Variants in LEKR1 observed in about 807,000 individuals in gnomAD.
LEKR1 encodes protein LEKR1.
LEKR1 carries 59 observed loss-of-function variants against 72.4 expected under a neutral mutation model. That is an observed-to-expected ratio of 0.82 (90% CI 0.66 to 1.01). The LOEUF is 1.01. LEKR1 is among the 50% of genes least tolerant of loss of function. The pLI is 0.00. For missense variants in LEKR1, 728 were observed against 759.2 expected, an observed-to-expected ratio of 0.96 and a Z score of 0.48; for synonymous variants, 257 against 263.2, an observed-to-expected ratio of 0.98 and a Z score of 0.23.
chr3:156,861,171 A>G (rs528482478), intron 3 of LEKR1, among the ~76,000 whole-genome samples: 1 of 152,274 alleles, frequency 6.6e-6, no homozygotes, highest in South Asian at 2.1e-4. Flanking sequence ...TTTTCTCCAG[A>G]GTATAATGTG....
chr3:156,878,796 A>G (rs1718921032), intron 3 of LEKR1, among the ~76,000 whole-genome samples: 1 of 151,956 alleles, frequency 6.6e-6, no homozygotes, highest in Non-Finnish European at 1.5e-5. Flanking sequence ...GGTGGGAAAT[A>G]ATTGAATCAT....
chr3:157,002,098 G>A (rs1732063558), intron 9 of LEKR1, among the ~76,000 whole-genome samples: 1 of 152,062 alleles, frequency 6.6e-6, no homozygotes, highest in Admixed American at 6.5e-5. Context: ...TTCTTTATTA[G>A]ATTCTTAGTA....
intron 12 of LEKR1, among the ~76,000 whole-genome samples, chr3:157,039,882 T>C (rs184660186): frequency 6.6e-5 from 10 of 152,346 alleles, no homozygotes; most frequent in Non-Finnish European, 1.0e-4. Flanking sequence ...AAAGTAGTTC[T>C]CAGTTTGGGA....
At chr3:156,924,018 C>T (rs762691273) in intron 4 of LEKR1, among the ~76,000 whole-genome samples, 18 of 152,178 alleles carry the variant, frequency 1.2e-4, no homozygotes, top group East Asian at 1.9e-4. Flanking sequence ...TGAGCTACCG[C>T]GCCCTGCCAA....
intron 4 of LEKR1, among the ~76,000 whole-genome samples, chr3:156,921,793 A>G (rs1418981213): frequency 3.3e-5 from 5 of 152,172 alleles, no homozygotes; most frequent in Non-Finnish European, 1.5e-5. Flanking sequence ...CTGGACTGGG[A>G]CTAGACCAAA....
intron 3 of LEKR1, among the ~76,000 whole-genome samples, chr3:156,889,367 A>C (rs1720432631): frequency 6.6e-6 from 1 of 151,288 alleles, no homozygotes; most frequent in Non-Finnish European, 1.5e-5. Context: ...TCTTTTGCCC[A>C]AATCTTAAAT....
chr3:156,989,007 A>G (rs1425643820), intron 7 of LEKR1, among the ~76,000 whole-genome samples: 1 of 151,672 alleles, frequency 6.6e-6, no homozygotes, highest in African/African-American at 2.4e-5. Context: ...AATTTTTTGT[A>G]TTTTTAGTAG....
chr3:156,923,502 CT>C (rs1447909546), intron 4 of LEKR1, among the ~76,000 whole-genome samples: 1 of 152,160 alleles, frequency 6.6e-6, no homozygotes, highest in Admixed American at 6.5e-5. Context: ...CTTATCCATA[CT>C]TTTGTTCCTT....
chr3:156,956,425 G>C (rs138598413), intron 6 of LEKR1, among the ~76,000 whole-genome samples: 2 of 152,118 alleles, frequency 1.3e-5, no homozygotes, highest in African/African-American at 4.8e-5. Context: ...GGGATGTTCT[G>C]CTGCTGCGAA....
intron 6 of LEKR1, among the ~76,000 whole-genome samples, chr3:156,962,604 T>C (rs1020814520): frequency 8.5e-5 from 13 of 152,196 alleles, no homozygotes; most frequent in Admixed American, 2.6e-4. Flanking sequence ...TCTAAGATTA[T>C]CTTTGTTTTC....
At chr3:156,911,339 T>C (rs578001750) in intron 3 of LEKR1, among the ~76,000 whole-genome samples, 2 of 152,268 alleles carry the variant, frequency 1.3e-5, no homozygotes, top group East Asian at 3.9e-4. Flanking sequence ...TTTGTCCACT[T>C]TCTAATGCGG....
intron 9 of LEKR1, among the ~76,000 whole-genome samples, chr3:157,010,741 C>G (rs7616314): frequency 0.53 from 80,334 of 151,870 alleles, 23,621 homozygotes; most frequent in South Asian, 0.79. Flanking sequence ...GTGAAATTCT[C>G]TCTTTAATTT....
chr3:157,003,608 C>T (rs909290735), intron 9 of LEKR1, among the ~76,000 whole-genome samples: 2 of 152,134 alleles, frequency 1.3e-5, no homozygotes, highest in African/African-American at 4.8e-5. Flanking sequence ...GTCATATAAC[C>T]TTCCCCCACA....
At chr3:157,021,729 C>A (rs1733851264) in intron 10 of LEKR1, among the ~76,000 whole-genome samples, 1 of 152,086 alleles carries the variant, frequency 6.6e-6, no homozygotes, top group Non-Finnish European at 1.5e-5. Flanking sequence ...ACCTTAGCAC[C>A]TCAATACACA....
At chr3:156,878,933 C>T (rs1033937554) in intron 3 of LEKR1, among the ~76,000 whole-genome samples, 5 of 152,086 alleles carry the variant, frequency 3.3e-5, no homozygotes, top group African/African-American at 1.2e-4. Flanking sequence ...GTAAGATGTG[C>T]CTTTTGCCTT....
At chr3:156,933,643 A>C (rs1242959719) in intron 5 of LEKR1, among the ~76,000 whole-genome samples, 1 of 152,164 alleles carries the variant, frequency 6.6e-6, no homozygotes, top group African/African-American at 2.4e-5. Context: ...CTAGAATTGG[A>C]GAGACATCAG....
At chr3:156,877,557 T>C (rs770716367) in intron 3 of LEKR1, among the ~76,000 whole-genome samples, 2 of 152,190 alleles carry the variant, frequency 1.3e-5, no homozygotes, top group Non-Finnish European at 2.9e-5. Context: ...GGGTTGTCTA[T>C]TTCCAGGAAT....
At chr3:156,973,819 C>T (rs893444697) in intron 6 of LEKR1, among the ~76,000 whole-genome samples, 2 of 152,130 alleles carry the variant, frequency 1.3e-5, no homozygotes, top group African/African-American at 2.4e-5. Flanking sequence ...AAACCAGAGA[C>T]ACTACTTTGT....
At chr3:157,020,022 A>G (rs1394967649) in intron 10 of LEKR1, among the ~76,000 whole-genome samples, 2 of 152,142 alleles carry the variant, frequency 1.3e-5, no homozygotes, top group African/African-American at 2.4e-5. Flanking sequence ...ATAGTCAATC[A>G]TTCTTCTCCC....
Sources: allele counts gnomAD v4.1 joint callset (sites outside exome capture counted in the v4.1 genomes callset), GRCh38; gene constraint gnomAD v4.1.1; transcripts MANE v1.5; gene names NCBI Gene and HGNC (gene_info 2026-07-23, HGNC 2026-07-21).